SHANK2: variants seen among roughly 807,000 people sequenced by gnomAD.
SHANK2 encodes the protein SH3 and multiple ankyrin repeat domains 2.
Under a neutral mutation model 133.7 loss-of-function variants are expected in SHANK2, and 43 were observed. The ratio of observed to expected loss-of-function variants is 0.32; its 90% CI spans 0.25 to 0.41. SHANK2 has a LOEUF of 0.41. Ranked by LOEUF, SHANK2 falls within the 10% of genes least tolerant of loss-of-function variation. The probability of loss-of-function intolerance (pLI) is 1.00; values close to 1 mark genes in which losing one functional copy is unlikely to be tolerated. For missense variants in SHANK2, 1,994 were observed against 2,235.8 expected (o/e 0.89, Z 2.18); for synonymous variants, 1,017 against 952.8 (o/e 1.07, Z -1.24).
chr11:70,482,523 C>T lies in SHANK2; in HGVS notation c.4979+2791G>A, dbSNP rs372918474. Reference sequence around the variant, plus strand: ...TCCATGGGTTGGAGGTCTAGTTCCGCGTCTTCCTGTGAAGTAGCCTCGGCT... The same window carrying T: ...TCCATGGGTTGGAGGTCTAGTTCCGTGTCTTCCTGTGAAGTAGCCTCGGCT... On this transcript the variant is annotated intron_variant, in intron 25 of 25. Transcript: ENST00000601538. Among the ~76,000 whole-genome samples the T allele has an allele frequency of 4.6e-5, 7 of 152,362 alleles. No homozygotes were observed. The East Asian group carries it at 1.4e-3, about 29-fold the overall frequency.
intron 17 of SHANK2, among the ~76,000 whole-genome samples, chr11:70,543,719 A>G (rs1328328703): frequency 6.6e-6 from 1 of 152,262 alleles, no homozygotes; most frequent in Non-Finnish European, 1.5e-5. Context: ...AGAGAAGGGC[A>G]TCATGGGAAC....
intron 12 of SHANK2, among the ~76,000 whole-genome samples, chr11:70,811,476 T>C (rs4980649): frequency 0.46 from 69,607 of 151,826 alleles, 17,618 homozygotes; most frequent in African/African-American, 0.68. Flanking sequence ...CATCTCTTCT[T>C]TGTTATCCAT....
chr11:70,545,836 A>G (rs1048130025), intron 17 of SHANK2, among the ~76,000 whole-genome samples: 6 of 152,140 alleles, frequency 3.9e-5, no homozygotes, highest in Non-Finnish European at 8.8e-5. Context: ...TCCCCAGATG[A>G]CCCACACTTC....
At chr11:70,523,015 G>A (rs575901238) in intron 17 of SHANK2, among the ~76,000 whole-genome samples, 5 of 152,312 alleles carry the variant, frequency 3.3e-5, no homozygotes, top group African/African-American at 1.2e-4. Flanking sequence ...AGTGCCACGA[G>A]GTCTCCGGCA....
intron 10 of SHANK2, among the ~76,000 whole-genome samples, chr11:70,912,640 G>A (rs924041707): frequency 1.3e-5 from 2 of 152,176 alleles, no homozygotes; most frequent in Non-Finnish European, 1.5e-5. Flanking sequence ...CGTGCACCAC[G>A]ATGATACATC....
intron 17 of SHANK2, among the ~76,000 whole-genome samples, chr11:70,574,230 G>A (rs533971581): frequency 3.9e-5 from 6 of 152,332 alleles, no homozygotes; most frequent in South Asian, 2.1e-4. Context: ...CACAGACTGC[G>A]GAGGTGTGGC....
intron 17 of SHANK2, among the ~76,000 whole-genome samples, chr11:70,587,124 G>A (rs782562489): frequency 1.5e-4 from 23 of 152,134 alleles, no homozygotes; most frequent in African/African-American, 1.9e-4. Context: ...TTGCTCTCCC[G>A]ACCACAACAC....
chr11:71,209,125 A>T (rs1411850931), intron 2 of SHANK2, among the ~76,000 whole-genome samples: 1 of 152,254 alleles, frequency 6.6e-6, no homozygotes, highest in East Asian at 1.9e-4. Flanking sequence ...GGCTCTGCTC[A>T]TTTCACCACA....
At chr11:70,590,633 C>T (rs1043242837) in intron 17 of SHANK2, among the ~76,000 whole-genome samples, 3 of 152,154 alleles carry the variant, frequency 2.0e-5, no homozygotes, top group Non-Finnish European at 2.9e-5. Context: ...GATGACTCGC[C>T]GAAGGCTCTG....
rs2135812173 is a variant in SHANK2 at position 70,500,599 on chromosome 11, C to G, written c.2288-9G>C. The stretch of plus-strand genomic sequence containing the variant: ...CTTCTTCCGGACCGAGGCTTGCAAA[C>G]AGAAAGGGGACCGCCATGAGCCACC... On this transcript the variant is annotated splice_polypyrimidine_tract_variant and intron_variant, in intron 20 of 25. Coordinates refer to ENST00000601538, the MANE Select transcript of SHANK2 (RefSeq NM_012309.5). This position sits in a 1 kb window ranked among gnomAD's most constrained non-coding sequence, Gnocchi z 4.5. 1 of 1,601,162 alleles carries G rather than the reference C, an allele frequency of 6.2e-7. No homozygotes were observed. The highest frequency in any genetic ancestry group is 1.1e-5 in the South Asian group (1 of 88,628).
At chr11:71,095,226 C>T (rs555608565) in intron 6 of SHANK2, among the ~76,000 whole-genome samples, 13 of 152,196 alleles carry the variant, frequency 8.5e-5, no homozygotes, top group Admixed American at 2.0e-4. Context: ...CCTTCATTAA[C>T]GCGGCGCAGG....
At position 71,060,154 on chromosome 11, in the gene SHANK2, T is replaced by C. The variant is rs996185651; in HGVS notation, c.1030-3596A>G. 1.8e-3 allele frequency among the ~76,000 whole-genome samples: 273 copies of C among 152,318 alleles called. 1 individual carries two copies. The highest frequency in any genetic ancestry group is 1.9e-3 in the Non-Finnish European group (131 of 68,020). ...TTGCCTTCACGGGAACATCCGGCAA[T>C]GTCTGGAGACATTTTTGGCTGTCAC... On this transcript the variant is annotated intron_variant, in intron 9 of 25. Coordinates refer to ENST00000601538, the MANE Select transcript of SHANK2 (RefSeq NM_012309.5).
intron 14 of SHANK2, among the ~76,000 whole-genome samples, chr11:70,796,929 A>C (rs1947926718): frequency 6.6e-6 from 1 of 152,234 alleles, no homozygotes; most frequent in Non-Finnish European, 1.5e-5. Context: ...TCACCATGAC[A>C]ACAACAGAAA....
chr11:70,571,382 C>A (rs2060043641), intron 17 of SHANK2: 1 of 152,268 alleles, frequency 6.6e-6, no homozygotes, highest in South Asian at 2.1e-4. Flanking sequence ...AGGCTCTCGG[C>A]TAGGCCACTG....
At chr11:71,179,582 T>G (rs1953514070) in intron 2 of SHANK2, among the ~76,000 whole-genome samples, 1 of 152,086 alleles carries the variant, frequency 6.6e-6, no homozygotes. Context: ...TTCACACTTC[T>G]CCTCAGCAAG....
chr11:70,665,428 C>T (rs554301876), intron 15 of SHANK2, among the ~76,000 whole-genome samples: 3 of 152,298 alleles, frequency 2.0e-5, no homozygotes, highest in South Asian at 2.1e-4. Context: ...ACGTGAGCCA[C>T]CACACCCTGC....
chr11:70,521,858 A>G (rs1234935402), intron 17 of SHANK2, among the ~76,000 whole-genome samples: 1 of 152,176 alleles, frequency 6.6e-6, no homozygotes, highest in African/African-American at 2.4e-5. Flanking sequence ...GACTGCAGCC[A>G]CATGTCCTCG....
At chr11:70,628,202 C>T (rs1447178740) in intron 17 of SHANK2, among the ~76,000 whole-genome samples, 3 of 152,176 alleles carry the variant, frequency 2.0e-5, no homozygotes, top group Non-Finnish European at 4.4e-5. Flanking sequence ...TCAGGTGATC[C>T]ACCCGCTTCA....
intron 2 of SHANK2, among the ~76,000 whole-genome samples, chr11:71,158,928 C>A (rs1555109464): frequency 6.6e-6 from 1 of 152,214 alleles, no homozygotes; most frequent in Non-Finnish European, 1.5e-5. Flanking sequence ...CACACAAACG[C>A]ATTCCAGATG....
Sources: gnomAD v4.1 joint callset for allele counts (sites outside exome capture counted in the v4.1 genomes callset) on GRCh38, gnomAD v4.1.1 for gene constraint, Gnocchi (gnomAD v3.1) non-coding constraint, MANE v1.5 for transcripts, NCBI Gene and HGNC (gene_info 2026-07-23, HGNC 2026-07-21) for gene names.